DYNC2H1: variants seen among roughly 807,000 people sequenced by gnomAD.
DYNC2H1 encodes the protein cytoplasmic dynein 2 heavy chain 1.
Under a neutral mutation model 570.0 loss-of-function variants are expected in DYNC2H1, and 410 were observed. The ratio of observed to expected loss-of-function variants is 0.72; its 90% CI spans 0.66 to 0.78. The LOEUF (loss-of-function observed/expected upper bound fraction) is 0.78. Among genes scored for constraint, DYNC2H1 ranks in the 30% least tolerant of loss-of-function variants. The probability of loss-of-function intolerance (pLI) is 0.00; values close to 1 mark genes in which losing one functional copy is unlikely to be tolerated. For synonymous variants in DYNC2H1, 1,688 were observed against 1,677.6 expected (o/e 1.01, Z -0.15); for missense variants, 4,865 against 5,046.4 (o/e 0.96, Z 1.09).
At chr11:103,427,203 G>T (rs1943704521) in intron 84 of DYNC2H1, among the ~76,000 whole-genome samples, 1 of 152,082 alleles carries the variant, frequency 6.6e-6, no homozygotes, top group African/African-American at 2.4e-5. Context: ...TGGCCTAAAT[G>T]AATGTATCAC....
intron 87 of DYNC2H1, among the ~76,000 whole-genome samples, chr11:103,463,391 T>G (rs1945087582): frequency 6.6e-6 from 1 of 152,174 alleles, no homozygotes; most frequent in African/African-American, 2.4e-5. Flanking sequence ...ATAACCAGGC[T>G]TGTTGCTGGT....
chr11:103,415,566 T>A (rs1225955088), intron 84 of DYNC2H1, among the ~76,000 whole-genome samples: 1 of 152,148 alleles, frequency 6.6e-6, no homozygotes, highest in East Asian at 1.9e-4. Context: ...TCATCACTGG[T>A]CATCAGAGAA....
At chr11:103,473,397 T>C (rs906819521) in intron 88 of DYNC2H1, among the ~76,000 whole-genome samples, 6 of 151,822 alleles carry the variant, frequency 4.0e-5, no homozygotes, top group African/African-American at 1.5e-4. Context: ...CGGTGCAGTA[T>C]TTTTGGTTAA....
At chr11:103,304,825 A>T (rs1209489446) in intron 77 of DYNC2H1, 105 bp downstream of exon 77, 1 of 1,184,012 alleles carries the variant, frequency 8.4e-7, no homozygotes, top group Non-Finnish European at 1.1e-6. Context: ...TGATTTAAAA[A>T]GTAATATTTG....
chr11:103,165,736 C>T (rs1263869679), intron 30 of DYNC2H1, among the ~76,000 whole-genome samples, 162 bp from the exon 31 acceptor site: 1 of 152,078 alleles, frequency 6.6e-6, no homozygotes, highest in Non-Finnish European at 1.5e-5. Context: ...ACTTTTTCTA[C>T]TACTATATTA....
intron 83 of DYNC2H1, among the ~76,000 whole-genome samples, chr11:103,365,976 A>C (rs1445519673): frequency 6.6e-6 from 1 of 152,260 alleles, no homozygotes; most frequent in East Asian, 1.9e-4. Context: ...AAATGAATTT[A>C]TATCTTAAGA....
chr11:103,245,886 G>A lies in DYNC2H1; in HGVS notation c.10042+512G>A, dbSNP rs1001366922. On this transcript the variant is annotated intron_variant, in intron 65 of 88. Transcript: ENST00000375735. This position sits in a 1 kb window ranked among gnomAD's most constrained non-coding sequence, Gnocchi z 4.5. Reference sequence around the variant, plus strand: ...AGAAGGCTATGCCTTGAAACTTAAAGAGCATATCATGCAAAGTGTATACAC... The same window carrying A: ...AGAAGGCTATGCCTTGAAACTTAAAAAGCATATCATGCAAAGTGTATACAC... 6.6e-6 allele frequency among the ~76,000 whole-genome samples: 1 copy of A among 152,094 alleles called. No homozygotes were observed. Among genetic ancestry groups the A allele is most frequent in the Non-Finnish European group, 1.5e-5 (1 of 67,996 alleles).
Position 103,134,361 on chromosome 11 carries a change from A to G in DYNC2H1, c.2147A>G (p.Gln716Arg). The G allele has an allele frequency of 1.9e-6, 3 of 1,612,562 alleles. No individual in the cohort carries two copies. The highest frequency in any genetic ancestry group is 2.5e-6 in the Non-Finnish European group (3 of 1,178,970). Residue 716 changes from glutamine (Q) to arginine (R), a missense_variant, in exon 15 of 89, where the codon CAG (glutamine) becomes CGG (arginine). Physicochemically the swap from Gln to Arg is conservative, Grantham distance 43 (BLOSUM62 1). Coordinates refer to ENST00000375735, the MANE Select transcript of DYNC2H1 (RefSeq NM_001377.3). ...LMNIDLLRQQQRWKDGLQELR... is the reference protein window; with the variant it reads ...LMNIDLLRQQRRWKDGLQELR... ...AATATTGATCTGCTTCGGCAGCAACAGCGCTGGAAAGATGGATTACAAGAA... is the reference window on the plus strand; with the variant it reads ...AATATTGATCTGCTTCGGCAGCAACGGCGCTGGAAAGATGGATTACAAGAA...
intron 83 of DYNC2H1, among the ~76,000 whole-genome samples, chr11:103,390,678 T>C (rs552431051): frequency 2.0e-5 from 3 of 152,350 alleles, no homozygotes; most frequent in South Asian, 4.1e-4. Context: ...CAGGAGCTCT[T>C]GTAGGGCAGG....
intron 82 of DYNC2H1, among the ~76,000 whole-genome samples, chr11:103,351,145 C>G (rs1239539925): frequency 2.0e-5 from 3 of 152,010 alleles, no homozygotes; most frequent in African/African-American, 4.8e-5. Context: ...TGTAAGGTTG[C>G]CTTTATTTGG....
At position 103,459,938 on chromosome 11, in the gene DYNC2H1, G is replaced by A. The variant is rs1218902095; in HGVS notation, c.12648+3582G>A. On this transcript the variant is annotated intron_variant, in intron 87 of 88. Transcript: ENST00000375735. ...CTGCAGTCCGCAGTCCGGCCTGGGC[G>A]ACAGAGCGAGACTCCGTCTCAAAAA... is the stretch of plus-strand genomic sequence containing the variant. Among the ~76,000 whole-genome samples, 10 of 124,586 alleles carry A rather than the reference G, an allele frequency of 8.0e-5. No homozygotes were observed. The South Asian group carries it at 1.1e-3, about 14-fold the overall frequency. The allele number at this position is 124,586 out of a possible 152,430, so 81.7% of individuals were successfully genotyped here. A position where few individuals can be genotyped will look rare whatever the true frequency, so the allele number is the denominator to read the frequency against.
chr11:103,265,801 A>G (rs900190190), intron 70 of DYNC2H1, among the ~76,000 whole-genome samples: 1 of 152,128 alleles, frequency 6.6e-6, no homozygotes, highest in Admixed American at 6.5e-5. Context: ...GGGCCTACCT[A>G]TCTTCAGTCT....
At chr11:103,337,584 G>A (rs191521143) in intron 82 of DYNC2H1, among the ~76,000 whole-genome samples, 2 of 152,236 alleles carry the variant, frequency 1.3e-5, no homozygotes, top group Non-Finnish European at 2.9e-5. Context: ...TTTAACTGGG[G>A]TGAGATGATT....
At chr11:103,478,519 T>C (rs527662752) in intron 88 of DYNC2H1, among the ~76,000 whole-genome samples, 1 of 152,122 alleles carries the variant, frequency 6.6e-6, no homozygotes, top group Non-Finnish European at 1.5e-5. Context: ...AGATCCAGTT[T>C]ATAGGAATAC....
At chr11:103,146,663 T>TGTGATC (rs1565340964) in intron 18 of DYNC2H1, among the ~76,000 whole-genome samples, 1 of 152,192 alleles carries the variant, frequency 6.6e-6, no homozygotes, top group Non-Finnish European at 1.5e-5. Context: ...AGTGCAGTAG[T>TGTGATC]GTGATCTCGG....
intron 47 of DYNC2H1, among the ~76,000 whole-genome samples, chr11:103,194,906 C>T (rs1014356392): frequency 6.6e-6 from 1 of 151,726 alleles, no homozygotes; most frequent in Admixed American, 6.6e-5. Context: ...TTAGTAGAGA[C>T]GCGGTTTCAT....
At position 103,228,253 on chromosome 11, in the gene DYNC2H1, A is replaced by G. The variant is rs773190933; in HGVS notation, c.9354-3007A>G. Among the ~76,000 whole-genome samples, 17 of 152,134 alleles carry G rather than the reference A, an allele frequency of 1.1e-4. No individual in the cohort carries two copies. The highest frequency in any genetic ancestry group is 2.2e-4 in the Non-Finnish European group (15 of 68,028). On this transcript the variant is annotated intron_variant, in intron 59 of 88. Transcript: ENST00000375735. The surrounding 1 kb of genome is among the most constrained non-coding windows in gnomAD (Gnocchi z 6.1). ...GCTGGTATAATATTTTGGGGGTGTT[A>G]AAGAACCTTGTTTTGTCATATTACC...
At chr11:103,338,545 G>A (rs1939276619) in intron 82 of DYNC2H1, among the ~76,000 whole-genome samples, 1 of 152,074 alleles carries the variant, frequency 6.6e-6, no homozygotes, top group Non-Finnish European at 1.5e-5. Flanking sequence ...CTCTGTGTAT[G>A]TTCATATAGC....
Position 103,287,618 on chromosome 11 carries a change from C to A in DYNC2H1, c.11095+13C>A. ...TGTAAAACTCTGGGTAAGTGTGATG[C>A]TTTTCAAGAACTAGACCACTGACCT... On this transcript the variant is annotated intron_variant, in intron 75 of 88. Transcript: ENST00000375735. 1 of 1,601,608 alleles carries A rather than the reference C, an allele frequency of 6.2e-7. No individual in the cohort carries two copies. Among genetic ancestry groups the A allele is most frequent in the Non-Finnish European group, 8.5e-7 (1 of 1,174,396 alleles).
Sources: allele counts gnomAD v4.1 joint callset (sites outside exome capture counted in the v4.1 genomes callset), GRCh38; gene constraint gnomAD v4.1.1; non-coding constraint Gnocchi (gnomAD v3.1); transcripts MANE v1.5; gene names NCBI Gene and HGNC (gene_info 2026-07-23, HGNC 2026-07-21).